Variants in TLL1 observed in about 807,000 individuals in gnomAD.
The protein encoded by TLL1 is tolloid like 1, also known as tolloid-like protein 1.
TLL1 carries 49 observed loss-of-function variants against 128.2 expected under a neutral mutation model. That is an observed-to-expected ratio of 0.38 (90% CI 0.30 to 0.48). TLL1 has a LOEUF of 0.48. TLL1 is among the 20% of genes least tolerant of loss of function. TLL1 has a pLI of 0.96. For synonymous variants in TLL1, 454 were observed against 418.8 expected, an observed-to-expected ratio of 1.08 and a Z score of -1.03; for missense variants, 1,123 against 1,242.0, an observed-to-expected ratio of 0.90 and a Z score of 1.44.
intron 7 of TLL1, among the ~76,000 whole-genome samples, chr4:166,009,706 T>C (rs1188473400): frequency 6.6e-6 from 1 of 151,464 alleles, no homozygotes; most frequent in Non-Finnish European, 1.5e-5. Flanking sequence ...TTTTTAAGTC[T>C]TTAAAGAAGC....
chr4:165,918,502 T>C (rs1192978979), intron 1 of TLL1, among the ~76,000 whole-genome samples: 1 of 152,184 alleles, frequency 6.6e-6, no homozygotes, highest in Non-Finnish European at 1.5e-5. Flanking sequence ...TGAATATTCC[T>C]AGTTTTTAAA....
chr4:166,058,578 T>C (rs1740139449), intron 14 of TLL1, among the ~76,000 whole-genome samples: 1 of 152,170 alleles, frequency 6.6e-6, no homozygotes, highest in African/African-American at 2.4e-5. Context: ...CTAACTCTTT[T>C]TTATTTTCCC....
At chr4:165,981,233 C>T (rs1158816245) in intron 1 of TLL1, among the ~76,000 whole-genome samples, 1 of 151,988 alleles carries the variant, frequency 6.6e-6, no homozygotes, top group Non-Finnish European at 1.5e-5. Flanking sequence ...GATTTTGACA[C>T]TCACTCCCCA....
At chr4:165,999,742 A>G (rs181029289) in intron 5 of TLL1, among the ~76,000 whole-genome samples, 60 of 152,078 alleles carry the variant, frequency 3.9e-4, no homozygotes, top group Admixed American at 1.2e-3. Flanking sequence ...CCAAATTTCT[A>G]GGATTACAAG....
chr4:166,071,058 T>A (rs1740790423), intron 16 of TLL1, among the ~76,000 whole-genome samples: 1 of 151,946 alleles, frequency 6.6e-6, no homozygotes, highest in Admixed American at 6.6e-5. Flanking sequence ...TGGATAGTTT[T>A]ATGTTGGGCC....
intron 10 of TLL1, 73 bp downstream of exon 10, chr4:166,039,514 C>T (rs1739150740): frequency 1.9e-6 from 2 of 1,054,620 alleles, no homozygotes; most frequent in Admixed American, 1.8e-5. Flanking sequence ...CCGATTCTCT[C>T]AAGAGTCATC....
intron 8 of TLL1, among the ~76,000 whole-genome samples, chr4:166,016,529 C>A (rs2111054557): frequency 6.6e-6 from 1 of 152,016 alleles, no homozygotes; most frequent in Admixed American, 6.6e-5. Context: ...TTGGATATTT[C>A]AGTTATAAAC....
chr4:166,021,952 C>T (rs1446958310), intron 8 of TLL1, among the ~76,000 whole-genome samples: 1 of 152,082 alleles, frequency 6.6e-6, no homozygotes, highest in African/African-American at 2.4e-5. Flanking sequence ...ATGGTTTGGG[C>T]TTGGCTATGC....
chr4:166,051,851 A>C (rs10003098), intron 12 of TLL1, among the ~76,000 whole-genome samples: 5,509 of 152,286 alleles, frequency 0.036, 327 homozygotes, highest in African/African-American at 0.12. Flanking sequence ...TGTTGCCCCA[A>C]ATACCAGGTA....
chr4:166,071,189 G>A lies in TLL1; in HGVS notation c.2189-3689G>A, dbSNP rs550930795. Among the ~76,000 whole-genome samples, 14 of 151,948 alleles carry A rather than the reference G, an allele frequency of 9.2e-5. No individual in the cohort carries two copies. The East Asian group carries it at 2.7e-3, about 29-fold the overall frequency. On this transcript the variant is annotated intron_variant, in intron 16 of 20. Coordinates refer to ENST00000061240, the MANE Select transcript of TLL1 (RefSeq NM_012464.5). ...TTGACTTCTTTTTCCTACAGATAAG[G>A]AAGCTTTCTGCAAAGAGAAAATTTT...
intron 1 of TLL1, among the ~76,000 whole-genome samples, chr4:165,933,158 A>G (rs530526700): frequency 2.2e-4 from 33 of 152,262 alleles, no homozygotes; most frequent in African/African-American, 7.9e-4. Flanking sequence ...GGGTACTTAA[A>G]GCATCAAGTT....
chr4:165,975,815 A>G (rs867121301), intron 1 of TLL1, among the ~76,000 whole-genome samples: 2 of 151,998 alleles, frequency 1.3e-5, no homozygotes, highest in Admixed American at 6.6e-5. Context: ...AGGCGGGTGG[A>G]TCACATGAGG....
intron 1 of TLL1, among the ~76,000 whole-genome samples, chr4:165,931,781 T>C (rs1441014106): frequency 2.0e-5 from 3 of 152,060 alleles, no homozygotes; most frequent in Non-Finnish European, 4.4e-5. Flanking sequence ...AGTTCTCCAT[T>C]GAGCAGCTCA....
At chr4:165,998,255 A>G (rs1324492078) in intron 5 of TLL1, among the ~76,000 whole-genome samples, 3 of 152,154 alleles carry the variant, frequency 2.0e-5, no homozygotes, top group Non-Finnish European at 4.4e-5. Context: ...TTATATAACT[A>G]TGTTTATTAC....
intron 1 of TLL1, among the ~76,000 whole-genome samples, chr4:165,966,660 G>A (rs1192629196): frequency 6.6e-6 from 1 of 152,084 alleles, no homozygotes; most frequent in Non-Finnish European, 1.5e-5. Flanking sequence ...ATGTCGGCAG[G>A]TTCCGTGACG....
At chr4:166,048,371 A>G (rs1739560561) in intron 12 of TLL1, among the ~76,000 whole-genome samples, 1 of 152,172 alleles carries the variant, frequency 6.6e-6, no homozygotes, top group African/African-American at 2.4e-5. Flanking sequence ...CCAGCCTTGA[A>G]AACTATGGAA....
intron 1 of TLL1, among the ~76,000 whole-genome samples, chr4:165,884,711 C>T (rs1325284801): frequency 1.3e-5 from 2 of 152,172 alleles, no homozygotes; most frequent in Non-Finnish European, 2.9e-5. Context: ...TGGTGAGTAT[C>T]TGTAATCCCA....
chr4:165,898,595 G>A (rs1051952622), intron 1 of TLL1, among the ~76,000 whole-genome samples: 1 of 152,136 alleles, frequency 6.6e-6, no homozygotes, highest in Non-Finnish European at 1.5e-5. Context: ...TGATCATGGT[G>A]GATGAGCTTT....
intron 1 of TLL1, among the ~76,000 whole-genome samples, chr4:165,967,636 T>C (rs1040915183): frequency 6.6e-6 from 1 of 152,132 alleles, no homozygotes; most frequent in Non-Finnish European, 1.5e-5. Context: ...TTAATCTGGT[T>C]GAGTGGCATG....
Sources: gnomAD v4.1 joint callset for allele counts (sites outside exome capture counted in the v4.1 genomes callset) on GRCh38, gnomAD v4.1.1 for gene constraint, MANE v1.5 for transcripts, NCBI Gene and HGNC (gene_info 2026-07-23, HGNC 2026-07-21) for gene names.